The following NEGR1 variants were observed in gnomAD, a reference collection of about 807,000 sequenced individuals.
NEGR1 encodes IgLON family member 4.
NEGR1 carries 10 observed loss-of-function variants against 40.9 expected under a neutral mutation model. The ratio of observed to expected loss-of-function variants is 0.24; its 90% CI spans 0.15 to 0.42. The LOEUF is 0.42. Among genes scored for constraint, NEGR1 ranks in the 10% least tolerant of loss-of-function variants. The probability of loss-of-function intolerance (pLI) is 1.00; values close to 1 mark genes in which losing one functional copy is unlikely to be tolerated. For synonymous variants in NEGR1, 185 were observed against 166.8 expected (o/e 1.11, Z -0.84); for missense variants, 352 against 438.9 (o/e 0.80, Z 1.77).
At chr1:72,004,721 T>C (rs1377677628) in intron 1 of NEGR1, among the ~76,000 whole-genome samples, 1 of 152,140 alleles carries the variant, frequency 6.6e-6, no homozygotes, top group Non-Finnish European at 1.5e-5. Flanking sequence ...ATAAAATAAC[T>C]ATTATCTTCG....
At chr1:71,998,258 A>G (rs191291201) in intron 1 of NEGR1, among the ~76,000 whole-genome samples, 1 of 152,006 alleles carries the variant, frequency 6.6e-6, no homozygotes, top group Admixed American at 6.6e-5. Flanking sequence ...ATGTAAAGTG[A>G]TTTTTGTGAT....
intron 6 of NEGR1, among the ~76,000 whole-genome samples, chr1:71,434,540 A>T (rs1354768833): frequency 1.3e-5 from 2 of 152,174 alleles, no homozygotes; most frequent in East Asian, 3.9e-4. Context: ...TTGCAGTAAA[A>T]AGTGATTTCT....
intron 4 of NEGR1, 95 bp from the exon 5 acceptor site, chr1:71,611,241 C>A: frequency 1.7e-6 from 2 of 1,175,382 alleles, no homozygotes; most frequent in South Asian, 1.4e-5. Context: ...CTTCTATATT[C>A]AAAGCAATCT....
chr1:72,150,502 T>C (rs890426406), intron 1 of NEGR1, among the ~76,000 whole-genome samples: 3 of 152,212 alleles, frequency 2.0e-5, no homozygotes, highest in Non-Finnish European at 4.4e-5. Context: ...TAAATGAGTT[T>C]ACCTGGGATC....
At chr1:72,119,255 A>G (rs1241656199) in intron 1 of NEGR1, among the ~76,000 whole-genome samples, 1 of 151,942 alleles carries the variant, frequency 6.6e-6, no homozygotes, top group Non-Finnish European at 1.5e-5. Context: ...ATAGTTGATG[A>G]TAAGAGAAGT....
At chr1:71,993,796 T>A (rs1455123324) in intron 1 of NEGR1, among the ~76,000 whole-genome samples, 1 of 152,210 alleles carries the variant, frequency 6.6e-6, no homozygotes, top group South Asian at 2.1e-4. Flanking sequence ...CATGCAGTTA[T>A]CAAGTGGTAG....
At chr1:72,011,901 G>A (rs1032790516) in intron 1 of NEGR1, among the ~76,000 whole-genome samples, 1 of 152,118 alleles carries the variant, frequency 6.6e-6, no homozygotes, top group African/African-American at 2.4e-5. Flanking sequence ...AGCATTAAGT[G>A]ATGAAGTACA....
intron 1 of NEGR1, among the ~76,000 whole-genome samples, chr1:72,254,681 A>T (rs1373728261): frequency 2.0e-5 from 3 of 147,682 alleles, no homozygotes; most frequent in Non-Finnish European, 4.5e-5. Context: ...CAGCCTGGGC[A>T]ACACAGCGAG....
chr1:72,083,565 T>C (rs1418811957), intron 1 of NEGR1, among the ~76,000 whole-genome samples: 2 of 152,142 alleles, frequency 1.3e-5, no homozygotes, highest in Non-Finnish European at 2.9e-5. Context: ...AAACTAGATA[T>C]ACAAAAGTAA....
intron 4 of NEGR1, among the ~76,000 whole-genome samples, chr1:71,639,049 T>A (rs1486792965): frequency 6.6e-6 from 1 of 151,974 alleles, no homozygotes; most frequent in Non-Finnish European, 1.5e-5. Context: ...CAAATTCATA[T>A]ACTCACATGA....
chr1:71,780,059 A>AAAAAAAAAAAAAG (rs1557649779), intron 2 of NEGR1, among the ~76,000 whole-genome samples: 2 of 149,000 alleles, frequency 1.3e-5, no homozygotes, highest in African/African-American at 2.5e-5. Flanking sequence ...AAAAAAAAAA[A>AAAAAAAAAAAAAG]AAAAAAAAAA....
chr1:71,895,036 C>T (rs779804353), intron 2 of NEGR1, among the ~76,000 whole-genome samples: 5 of 152,120 alleles, frequency 3.3e-5, no homozygotes, highest in East Asian at 1.9e-4. Context: ...GCATACCCAT[C>T]GCATGATTCT....
chr1:71,788,326 C>A (rs1401403448), intron 2 of NEGR1, among the ~76,000 whole-genome samples: 1 of 151,916 alleles, frequency 6.6e-6, no homozygotes, highest in Non-Finnish European at 1.5e-5. Flanking sequence ...GGTCTAAGTG[C>A]ATTCTCTTAT....
At chr1:71,998,290 T>G (rs1401747654) in intron 1 of NEGR1, among the ~76,000 whole-genome samples, 1 of 151,968 alleles carries the variant, frequency 6.6e-6, no homozygotes, top group Non-Finnish European at 1.5e-5. Context: ...AGCTCAATAA[T>G]TAATGTGTAT....
intron 2 of NEGR1, among the ~76,000 whole-genome samples, chr1:71,780,816 G>GTTTCAC (rs1338587195): frequency 6.6e-6 from 1 of 152,122 alleles, no homozygotes; most frequent in Admixed American, 6.5e-5. Flanking sequence ...TCTCTTGTTA[G>GTTTCAC]TTTCACTTTC....
chr1:71,825,098 A>C (rs1479163805), intron 2 of NEGR1, among the ~76,000 whole-genome samples: 6 of 151,934 alleles, frequency 3.9e-5, no homozygotes, highest in Non-Finnish European at 8.8e-5. Flanking sequence ...GGATGGCACC[A>C]TTTTAAATAC....
intron 1 of NEGR1, among the ~76,000 whole-genome samples, chr1:72,055,905 T>C (rs1205878871): frequency 2.0e-5 from 3 of 150,088 alleles, no homozygotes; most frequent in African/African-American, 7.3e-5. Context: ...TTCTAGATAC[T>C]AGTTCTTAAA....
At chr1:71,848,094 C>T (rs1378826392) in intron 2 of NEGR1, among the ~76,000 whole-genome samples, 3 of 152,168 alleles carry the variant, frequency 2.0e-5, no homozygotes, top group Non-Finnish European at 2.9e-5. Flanking sequence ...CCCTAACCCT[C>T]ATTAACTCTA....
At chr1:71,665,566 C>T (rs563808218) in intron 4 of NEGR1, among the ~76,000 whole-genome samples, 6 of 152,180 alleles carry the variant, frequency 3.9e-5, no homozygotes, top group Non-Finnish European at 8.8e-5. Context: ...GTAGCACCCA[C>T]ACTCAATAAG....
Sources: allele counts gnomAD v4.1 joint callset (sites outside exome capture counted in the v4.1 genomes callset), GRCh38; gene constraint gnomAD v4.1.1; transcripts MANE v1.5; gene names NCBI Gene and HGNC (gene_info 2026-07-23, HGNC 2026-07-21).